FGGY: variants seen among roughly 807,000 people sequenced by gnomAD.
FGGY encodes the protein FGGY carbohydrate kinase domain-containing protein.
A neutral mutation model predicts 71.3 loss-of-function variants in FGGY; 72 were observed. The observed-to-expected ratio is 1.01, with a 90% CI of 0.84 to 1.23. The LOEUF is 1.23. FGGY is among the 50% of genes most tolerant of loss of function. FGGY has a pLI of 0.00. For synonymous variants in FGGY, 251 were observed against 250.3 expected (o/e 1.00, Z -0.02); for missense variants, 668 against 682.3 (o/e 0.98, Z 0.23).
At chr1:59,392,925 T>C (rs1428328102) in intron 5 of FGGY, among the ~76,000 whole-genome samples, 8 of 152,178 alleles carry the variant, frequency 5.3e-5, no homozygotes, top group Admixed American at 5.2e-4. Context: ...AAAAACTGCA[T>C]TCACCAATAA....
rs115974698 is a variant in FGGY, at chr1:59,425,684, A to G, written c.555-31277A>G. Among the ~76,000 whole-genome samples the G allele has an allele frequency of 4.2e-3, 633 of 152,230 alleles. 3 individuals are homozygous for G. Among genetic ancestry groups the G allele is most frequent in the African/African-American group, 0.014 (591 of 41,538 alleles). On this transcript the variant is annotated intron_variant, in intron 5 of 15. Transcript: ENST00000303721. ...GTCTAATTCTTTTACTTTGTCGTGT[A>G]CCATCTCTCCTTTTCCCACTGTTTT...
In FGGY at chr1:59,642,190, T is replaced by C. The variant is rs149321910; in HGVS notation, c.1221+3815T>C. ...GGAGGAAGGGTGTAGTTTGCACTAC[T>C]AGTTCTAGGCTCGGAAAGCCAGGCA... On this transcript the variant is annotated intron_variant, in intron 11 of 15. Coordinates refer to ENST00000303721, the MANE Select transcript of FGGY (RefSeq NM_018291.5). Among the ~76,000 whole-genome samples the C allele has an allele frequency of 2.6e-4, 40 of 152,338 alleles. No homozygotes were observed. In the East Asian group the frequency reaches 7.5e-3, roughly 29 times the overall value.
intron 7 of FGGY, among the ~76,000 whole-genome samples, chr1:59,519,678 C>A (rs994846018): frequency 6.6e-6 from 1 of 152,140 alleles, no homozygotes; most frequent in Non-Finnish European, 1.5e-5. Flanking sequence ...ACTATGATGA[C>A]CATTTCTTAC....
intron 11 of FGGY, among the ~76,000 whole-genome samples, chr1:59,647,622 A>C (rs2097107741): frequency 1.3e-5 from 2 of 152,072 alleles, no homozygotes. Context: ...GGTTGACCTA[A>C]TTTAGTCCCA....
intron 14 of FGGY, among the ~76,000 whole-genome samples, chr1:59,720,971 C>G (rs1232903811): frequency 1.3e-5 from 2 of 152,196 alleles, no homozygotes; most frequent in East Asian, 3.9e-4. Context: ...ACACTTCCAA[C>G]TCAGGGCTTT....
Position 59,325,356 on chromosome 1 carries a change from CCAACAACAGCAACAA to C in FGGY, c.201+3615_201+3629del, listed in dbSNP as rs1213688024. On this transcript the variant is annotated intron_variant, in intron 2 of 15. Coordinates refer to ENST00000303721, the MANE Select transcript of FGGY (RefSeq NM_018291.5). ...TGGGAGACAGAGTGGGACTCCGTGTCCAACAACAGCAACAACAACAACAACAACAAAAACAGTAAG... is the reference window on the plus strand; with the variant it reads ...TGGGAGACAGAGTGGGACTCCGTGTCCAACAACAACAACAAAAACAGTAAG... Among the ~76,000 whole-genome samples the C allele has an allele frequency of 1.1e-4, 14 of 128,808 alleles. 1 individual carries two copies. The South Asian group carries it at 2.3e-3, about 21-fold the overall frequency. The allele number at this position is 128,808 out of a possible 152,430, so 84.5% of individuals were successfully genotyped here.
intron 12 of FGGY, among the ~76,000 whole-genome samples, chr1:59,660,901 A>C (rs1034682703): frequency 6.6e-6 from 1 of 152,244 alleles, no homozygotes; most frequent in African/African-American, 2.4e-5. Flanking sequence ...TGGATGGGCT[A>C]CAAGAGGGTT....
chr1:59,490,257 C>T (rs575725361), intron 6 of FGGY, among the ~76,000 whole-genome samples: 1 of 152,202 alleles, frequency 6.6e-6, no homozygotes, highest in South Asian at 2.1e-4. Flanking sequence ...GCTATATTGC[C>T]CAGGCAGGTC....
At chr1:59,433,769 T>A (rs1316301121) in intron 5 of FGGY, among the ~76,000 whole-genome samples, 7 of 152,226 alleles carry the variant, frequency 4.6e-5, no homozygotes, top group African/African-American at 1.7e-4. Flanking sequence ...GTCATGATTT[T>A]CCCACCGTCT....
chr1:59,563,310 GTGT>G (rs983623188), intron 8 of FGGY, among the ~76,000 whole-genome samples: 37 of 152,264 alleles, frequency 2.4e-4, no homozygotes, highest in African/African-American at 5.8e-4. Context: ...GCATGAAGGG[GTGT>G]TGAATTTTAT....
chr1:59,651,588 T>G (rs531876297), intron 11 of FGGY, among the ~76,000 whole-genome samples: 7 of 149,662 alleles, frequency 4.7e-5, no homozygotes, highest in Admixed American at 1.3e-4. Context: ...TGCCTTTTTT[T>G]GTTTTCCATT....
chr1:59,506,749 A>C (rs1243459384), intron 6 of FGGY, among the ~76,000 whole-genome samples: 1 of 152,164 alleles, frequency 6.6e-6, no homozygotes, highest in Non-Finnish European at 1.5e-5. Flanking sequence ...TAGTGAGCTG[A>C]GATTGTGCCA....
At chr1:59,689,539 G>A (rs2097572693) in intron 14 of FGGY, among the ~76,000 whole-genome samples, 2 of 151,672 alleles carry the variant, frequency 1.3e-5, no homozygotes, top group African/African-American at 4.8e-5. Context: ...AAAAAATGTT[G>A]CAAGCTGATA....
intron 13 of FGGY, among the ~76,000 whole-genome samples, chr1:59,668,353 C>T (rs1169050435): frequency 3.9e-5 from 6 of 152,170 alleles, no homozygotes; most frequent in Admixed American, 3.3e-4. Flanking sequence ...ACCACCAGGG[C>T]AGGGCAAGGG....
At chr1:59,362,204 T>C (rs1256163966) in intron 4 of FGGY, among the ~76,000 whole-genome samples, 1 of 152,188 alleles carries the variant, frequency 6.6e-6, no homozygotes, top group Non-Finnish European at 1.5e-5. Context: ...CTTTCTCCTA[T>C]TTAATTTTTC....
intron 5 of FGGY, among the ~76,000 whole-genome samples, chr1:59,384,724 A>G (rs1336342852): frequency 6.6e-6 from 1 of 152,086 alleles, no homozygotes; most frequent in Non-Finnish European, 1.5e-5. Flanking sequence ...CCTGAGCCTT[A>G]TTTCCTCATC....
At chr1:59,425,689 CT>C (rs1200066390) in intron 5 of FGGY, among the ~76,000 whole-genome samples, 1 of 152,124 alleles carries the variant, frequency 6.6e-6, no homozygotes, top group East Asian at 1.9e-4. Context: ...CGTGTACCAT[CT>C]CTCCTTTTCC....
intron 12 of FGGY, among the ~76,000 whole-genome samples, chr1:59,664,600 C>T (rs2097306850): frequency 6.6e-6 from 1 of 152,200 alleles, no homozygotes; most frequent in Non-Finnish European, 1.5e-5. Context: ...TCTCCCATTC[C>T]ATACAGACTG....
intron 5 of FGGY, among the ~76,000 whole-genome samples, chr1:59,419,636 A>G (rs1328189343): frequency 6.6e-5 from 10 of 152,188 alleles, no homozygotes; most frequent in Non-Finnish European, 2.9e-5. Flanking sequence ...TAAATGGGGT[A>G]GTGAACTTAT....
Sources: allele counts gnomAD v4.1 joint callset (sites outside exome capture counted in the v4.1 genomes callset), GRCh38; gene constraint gnomAD v4.1.1; transcripts MANE v1.5; gene names NCBI Gene and HGNC (gene_info 2026-07-23, HGNC 2026-07-21).